RUVBL1: variants seen among roughly 807,000 people sequenced by gnomAD.
The protein encoded by RUVBL1 is ruvB-like 1.
A neutral mutation model predicts 52.4 loss-of-function variants in RUVBL1; 4 were observed. The observed-to-expected ratio is 0.08, with a 90% CI of 0.04 to 0.17. The LOEUF (loss-of-function observed/expected upper bound fraction) is 0.17. Ranked by LOEUF, RUVBL1 falls within the 10% of genes least tolerant of loss-of-function variation. RUVBL1 has a pLI of 1.00. For missense variants in RUVBL1, 298 were observed against 572.8 expected (o/e 0.52, Z 4.90); for synonymous variants, 217 against 214.4 (o/e 1.01, Z -0.10).
chr3:128,153,203 C>A, exon 1 of RUVBL1: 2 of 1,299,960 alleles, frequency 1.5e-6, no homozygotes, highest in Non-Finnish European at 1.9e-6. Context: ...CTCCACTCAC[C>A]CAGAAAGTCC....
chr3:128,111,140 G>A (rs1016674859), intron 3 of RUVBL1, among the ~76,000 whole-genome samples: 7 of 150,854 alleles, frequency 4.6e-5, no homozygotes, highest in Admixed American at 3.3e-4. Flanking sequence ...CACGAGAATC[G>A]CTTGAACCCA....
chr3:128,151,943 G>GA (rs1944224419), intron 1 of RUVBL1, among the ~76,000 whole-genome samples: 1 of 152,166 alleles, frequency 6.6e-6, no homozygotes, highest in Non-Finnish European at 1.5e-5. Context: ...CTCTTCTCCA[G>GA]AAAAATGGAA....
At chr3:128,076,257 G>T (rs561796859), downstream of RUVBL1, among the ~76,000 whole-genome samples, 16 of 152,338 alleles carry the variant, frequency 1.1e-4, no homozygotes, top group East Asian at 2.7e-3. This position sits in a 1 kb window ranked among gnomAD's most constrained non-coding sequence, Gnocchi z 6.8. Flanking sequence ...CTCCTCACCC[G>T]GTGGGGAGCG....
intron 3 of RUVBL1, among the ~76,000 whole-genome samples, 174 bp from the exon 4 acceptor site, chr3:128,105,098 AT>A (rs1461416386): frequency 6.6e-6 from 1 of 150,818 alleles, no homozygotes; most frequent in Non-Finnish European, 1.5e-5. Flanking sequence ...TAGAGGCACT[AT>A]TAGAAATGCA....
rs539987074 is a variant in RUVBL1, at chr3:128,134,133, C to T, written c.-39-14719G>A. 2.2e-3 allele frequency among the ~76,000 whole-genome samples: 329 copies of T among 152,108 alleles called. 2 individuals carry two copies. Among genetic ancestry groups the T allele is most frequent in the African/African-American group, 7.5e-3 (310 of 41,490 alleles). ...ATACAAAGCATGCATCAGTCCACAG[C>T]AGAACTGATCAAGCAGAAGCATTAG... On this transcript the variant is annotated intron_variant, in intron 1 of 9. Coordinates refer to the RUVBL1 transcript ENST00000464873.
chr3:128,067,186 AGC>A lies in RUVBL1; in HGVS notation c.940-1968_940-1967del. ...CTCTTTGAAGATGAGCTAGCAATGC[AGC>A]TAAGTTGCAGTGGTTTCTATCAGTG... On this transcript the variant is annotated intron_variant, in intron 9 of 9. Transcript: ENST00000464873. The surrounding 1 kb of genome is among the most constrained non-coding windows in gnomAD (Gnocchi z 4.1). 6.3e-7 allele frequency: 1 copy of A among 1,589,922 alleles called. No individual in the cohort carries two copies. The highest frequency in any genetic ancestry group is 8.6e-7 in the Non-Finnish European group (1 of 1,158,066).
At chr3:128,109,163 G>A (rs1943317894) in intron 3 of RUVBL1, among the ~76,000 whole-genome samples, 1 of 152,220 alleles carries the variant, frequency 6.6e-6, no homozygotes, top group Non-Finnish European at 1.5e-5. Context: ...GCCGTGCTCT[G>A]TTCCTTCGGT....
chr3:128,141,643 C>T (rs1010184132), intron 1 of RUVBL1, among the ~76,000 whole-genome samples: 1 of 152,138 alleles, frequency 6.6e-6, no homozygotes, highest in Non-Finnish European at 1.5e-5. Context: ...ATTACAGATG[C>T]CCACTACAAC....
At chr3:128,088,413 GTATAA>G in intron 8 of RUVBL1, among the ~76,000 whole-genome samples, 1 of 147,608 alleles carries the variant, frequency 6.8e-6, no homozygotes, top group Middle Eastern at 3.6e-3. Context: ...AAATTATATA[GTATAA>G]TATACAGTAT....
intron 1 of RUVBL1, among the ~76,000 whole-genome samples, chr3:128,146,503 C>T (rs534077391): frequency 7.0e-6 from 1 of 142,506 alleles, no homozygotes; most frequent in Non-Finnish European, 1.5e-5. Flanking sequence ...GCTGTGAGCA[C>T]GTGTGTGTGC....
intron 1 of RUVBL1, chr3:128,142,043 G>A (rs1944031160): frequency 6.6e-6 from 1 of 152,290 alleles, no homozygotes; most frequent in South Asian, 2.1e-4. Context: ...GGAGCCTAGA[G>A]ACGGGAAATT....
intron 9 of RUVBL1, chr3:128,070,970 G>C (rs1441816373): frequency 6.6e-6 from 1 of 152,324 alleles, no homozygotes; most frequent in East Asian, 1.9e-4. Context: ...TTTAGACATT[G>C]GTGGGACCAA....
intron 1 of RUVBL1, among the ~76,000 whole-genome samples, chr3:128,150,984 CTA>C (rs1198262554): frequency 7.5e-5 from 5 of 67,106 alleles, no homozygotes; most frequent in South Asian, 4.3e-4. Context: ...ATTATATATT[CTA>C]TATATATTAT....
At chr3:128,115,947 G>A (rs924542563) in intron 2 of RUVBL1, among the ~76,000 whole-genome samples, 1 of 151,820 alleles carries the variant, frequency 6.6e-6, no homozygotes, top group East Asian at 1.9e-4. Context: ...GCAAAATGGC[G>A]ATACCCCATC....
At chr3:128,127,528 C>T (rs1943809905), upstream of RUVBL1, among the ~76,000 whole-genome samples, 1 of 139,254 alleles carries the variant, frequency 7.2e-6, no homozygotes, top group Non-Finnish European at 1.6e-5. Flanking sequence ...CTTACCTTGA[C>T]TTCTATCACA....
intron 8 of RUVBL1, among the ~76,000 whole-genome samples, chr3:128,095,523 A>G (rs528626155): frequency 6.6e-6 from 1 of 152,358 alleles, no homozygotes; most frequent in Admixed American, 6.5e-5. Flanking sequence ...CTTAGGAAGC[A>G]CTTATGACAG....
Position 128,101,627 on chromosome 3 carries a change from T to C in RUVBL1, c.535A>G (p.Ser179Gly). ...QLKLDPSIFE[S>G]LQKERVEAGD... The stretch of plus-strand genomic sequence containing the variant: ...GCTTCTACTCGCTCTTTCTGCAAAC[T>C]TTCAAAAATGCTGGGGTCCAGCTAA... The change falls in exon 5 of 11, where the codon AGT (serine) becomes GGT (glycine). Residue 179 changes from serine (S) to glycine (G), a missense_variant. Ser to Gly is a moderately conservative substitution (Grantham distance 56, BLOSUM62 0). Transcript: ENST00000322623. The C allele has an allele frequency of 6.2e-7, 1 of 1,613,940 alleles. No homozygotes were observed. Among genetic ancestry groups the C allele is most frequent in the Non-Finnish European group, 8.5e-7 (1 of 1,180,024 alleles).
chr3:128,105,552 A>T (rs1248644878), intron 3 of RUVBL1, among the ~76,000 whole-genome samples: 2 of 152,192 alleles, frequency 1.3e-5, no homozygotes, highest in Non-Finnish European at 2.9e-5. Context: ...CAGTCTCTGA[A>T]CCCACACTAT....
chr3:128,067,849 C>T lies in RUVBL1; in HGVS notation c.940-2629G>A, dbSNP rs569165517. On this transcript the variant is annotated intron_variant, in intron 9 of 9. Transcript: ENST00000464873. This position sits in a 1 kb window ranked among gnomAD's most constrained non-coding sequence, Gnocchi z 4.1. ...TAGACTTTTTCATATGACTTCCTTG[C>T]GGCAGTTTTAAAGTTCTCTGTATGA... The T allele has an allele frequency of 3.8e-5, 29 of 770,946 alleles. No homozygotes were observed. Among genetic ancestry groups the T allele is most frequent in the African/African-American group, 6.9e-5 (4 of 57,874 alleles). 47.8% of individuals were successfully genotyped at this position (770,946 alleles called of 1,614,324 possible). A position where few individuals can be genotyped will look rare whatever the true frequency, so the allele number is the denominator to read the frequency against.
Sources: gnomAD v4.1 joint callset for allele counts (sites outside exome capture counted in the v4.1 genomes callset) on GRCh38, gnomAD v4.1.1 for gene constraint, Gnocchi (gnomAD v3.1) non-coding constraint, MANE v1.5 for transcripts, NCBI Gene and HGNC (gene_info 2026-07-23, HGNC 2026-07-21) for gene names.